TRIM27: variants seen among roughly 807,000 people sequenced by gnomAD.
TRIM27 encodes the protein tripartite motif containing 27, also known as zinc finger protein RFP.
A neutral mutation model predicts 57.6 loss-of-function variants in TRIM27; 12 were observed. That is an observed-to-expected ratio of 0.21 (90% CI 0.13 to 0.34). The LOEUF (loss-of-function observed/expected upper bound fraction) is 0.34, where lower values mean the gene tolerates loss of function less well. Among genes scored for constraint, TRIM27 ranks in the 10% least tolerant of loss-of-function variants. The pLI, the probability that TRIM27 is intolerant of heterozygous loss-of-function variation, is 1.00. For missense variants in TRIM27, 403 were observed against 656.8 expected, an observed-to-expected ratio of 0.61 and a Z score of 4.22; for synonymous variants, 266 against 259.0, an observed-to-expected ratio of 1.03 and a Z score of -0.26.
At chr6:28,918,538 G>GA (rs964720953) in intron 3 of TRIM27, among the ~76,000 whole-genome samples, 1 of 151,882 alleles carries the variant, frequency 6.6e-6, no homozygotes, top group Non-Finnish European at 1.5e-5. Context: ...AATAAAAAAA[G>GA]AAAAAAAGAA....
intron 2 of TRIM27, among the ~76,000 whole-genome samples, chr6:28,920,895 T>A (rs367785223): frequency 6.6e-6 from 1 of 152,180 alleles, no homozygotes; most frequent in Non-Finnish European, 1.5e-5. Flanking sequence ...GGGCCCTTCA[T>A]ATGTAATCCA....
chr6:28,908,644 A>C (rs1772954378), intron 6 of TRIM27, 164 bp downstream of exon 6: 1 of 606,944 alleles, frequency 1.6e-6, no homozygotes. Context: ...TAGAACAAGA[A>C]GCTGTTAATT....
intron 4 of TRIM27, among the ~76,000 whole-genome samples, chr6:28,910,136 A>C (rs1440326153): frequency 5.3e-5 from 8 of 151,520 alleles, no homozygotes. Flanking sequence ...AAAAAAAAAA[A>C]AAAAAAAACG....
rs1324173784 is a variant in TRIM27, at chr6:28,911,688, A to G, written c.770+8T>C. 2 of 1,611,172 alleles carry G rather than the reference A, an allele frequency of 1.2e-6. No homozygotes were observed. The highest frequency in any genetic ancestry group is 1.7e-6 in the Non-Finnish European group (2 of 1,179,142). ...TTGATTTAACACTAGGGAAACAGAA[A>G]ACTATACCTGCTCAATGTGTCCCCA... On this transcript the variant is annotated splice_region_variant and intron_variant, in intron 4 of 7. Coordinates refer to ENST00000377199, the MANE Select transcript of TRIM27 (RefSeq NM_006510.5).
At chr6:28,919,075 G>A (rs757017529) in intron 3 of TRIM27, among the ~76,000 whole-genome samples, 1 of 151,370 alleles carries the variant, frequency 6.6e-6, no homozygotes, top group Non-Finnish European at 1.5e-5. Flanking sequence ...GTACAGTGGC[G>A]CGATCTTGGC....
Position 28,903,549 on chromosome 6 carries a change from A to C in TRIM27, c.*521T>G. ...ACATACAGGCTTCTTTAATGGAGTT[A>C]ATAAAACTATGGCACATTGGGAATC... is the stretch of plus-strand genomic sequence containing the variant. On this transcript the variant is annotated 3_prime_UTR_variant, in exon 8 of 8. Transcript: ENST00000377199. 4.2e-6 allele frequency: 1 copy of C among 236,052 alleles called. No homozygotes were observed. Among genetic ancestry groups the C allele is most frequent in the Non-Finnish European group, 8.3e-6 (1 of 119,996 alleles). The allele number at this position is 236,052 out of a possible 1,614,324, so 14.6% of individuals were successfully genotyped here.
At chr6:28,906,284 A>G (rs1387778304) in intron 7 of TRIM27, 2 of 152,180 alleles carry the variant, frequency 1.3e-5, no homozygotes, top group Non-Finnish European at 2.9e-5. Context: ...TTTGCTCCTC[A>G]CATCTTGTTC....
Position 28,911,733 on chromosome 6 carries a change from A to G in TRIM27, c.748-15T>C, listed in dbSNP as rs1196827381. 1.2e-6 allele frequency: 2 copies of G among 1,601,298 alleles called. No individual in the cohort carries two copies. Among genetic ancestry groups the G allele is most frequent in the Non-Finnish European group, 1.7e-6 (2 of 1,173,086 alleles). On this transcript the variant is annotated splice_polypyrimidine_tract_variant and intron_variant, in intron 3 of 7. Coordinates refer to ENST00000377199, the MANE Select transcript of TRIM27 (RefSeq NM_006510.5). ...TCCCCAATGTCCTGCAAGAGAAAGG[A>G]AAAAAAATAACCATGAGAAGTCATT...
chr6:28,907,100 G>T lies in TRIM27; in HGVS notation c.946+136C>A, dbSNP rs949849933. 1.2e-5 allele frequency: 9 copies of T among 750,540 alleles called. No individual in the cohort carries two copies. In the African/African-American group the frequency reaches 1.4e-4, roughly 12 times the overall value. The allele number at this position is 750,540 out of a possible 1,614,324, so 46.5% of individuals were successfully genotyped here. A position where few individuals can be genotyped will look rare whatever the true frequency, so the allele number is the denominator to read the frequency against. On this transcript the variant is annotated intron_variant, in intron 7 of 7. Transcript: ENST00000377199. The stretch of plus-strand genomic sequence containing the variant: ...ATAGAAACAACTGAGGATTTTTGTG[G>T]TTGTTGTGTATCATCTTTATACATG...
At position 28,923,899 on chromosome 6, in the gene TRIM27, G is replaced by T; in HGVS notation, c.-267C>A. The stretch of plus-strand genomic sequence containing the variant: ...CGGCCACGCTAGTGGGGCAGGAAAG[G>T]GTAGCCGAGGGTCAGAGTCCCAGGG... On this transcript the variant is annotated 5_prime_UTR_variant, in exon 1 of 8. Coordinates refer to ENST00000377199, the MANE Select transcript of TRIM27 (RefSeq NM_006510.5). 1 of 460,454 alleles carries T rather than the reference G, an allele frequency of 2.2e-6. No homozygotes were observed. The highest frequency in any genetic ancestry group is 3.8e-6 in the Non-Finnish European group (1 of 261,740). 28.5% of individuals were successfully genotyped at this position (460,454 alleles called of 1,614,324 possible). A position where few individuals can be genotyped will look rare whatever the true frequency, so the allele number is the denominator to read the frequency against.
At chr6:28,907,925 C>G (rs910640825) in intron 6 of TRIM27, 1 of 213,108 alleles carries the variant, frequency 4.7e-6, no homozygotes, top group Admixed American at 5.3e-5. Flanking sequence ...TGAATAGATG[C>G]AATGCATATA....
chr6:28,918,240 C>G (rs934920856), intron 3 of TRIM27, among the ~76,000 whole-genome samples: 1 of 152,126 alleles, frequency 6.6e-6, no homozygotes, highest in Non-Finnish European at 1.5e-5. Context: ...TTTAACCAAC[C>G]CTTCCAGATA....
intron 4 of TRIM27, among the ~76,000 whole-genome samples, chr6:28,910,376 C>T (rs550139327): frequency 6.6e-6 from 1 of 152,110 alleles, no homozygotes; most frequent in East Asian, 1.9e-4. Flanking sequence ...GTCGCCCAGG[C>T]TAGAGTGCAG....
Position 28,921,974 on chromosome 6 carries a change from T to G in TRIM27, c.434A>C (p.Asn145Thr). 6.2e-7 allele frequency: 1 copy of G among 1,613,104 alleles called. No individual in the cohort carries two copies. Among genetic ancestry groups the G allele is most frequent in the Non-Finnish European group, 8.5e-7 (1 of 1,180,032 alleles). The change falls in exon 2 of 8, where the codon AAC becomes ACC. Residue 145 changes from asparagine (N) to threonine (T), a missense_variant. Coordinates refer to ENST00000377199, the MANE Select transcript of TRIM27 (RefSeq NM_006510.5). ...CACTCTTTTTAAATGGTCGAGCTGGTTCTGGATTTGCTCCTGAGAAAAGCA... is the reference window on the plus strand; with the variant it reads ...CACTCTTTTTAAATGGTCGAGCTGGGTCTGGATTTGCTCCTGAGAAAAGCA... ...AVEGFKEQIQNQLDHLKRVKD... is the reference protein window; with the variant it reads ...AVEGFKEQIQTQLDHLKRVKD...
chr6:28,908,142 T>G (rs1772911901), intron 6 of TRIM27: 1 of 159,500 alleles, frequency 6.3e-6, no homozygotes, highest in Admixed American at 6.4e-5. Context: ...TTGGAAAAGC[T>G]TCTCCAAATG....
chr6:28,913,269 A>AAAAAAAATATATATATATAT (rs1554184215), intron 3 of TRIM27, among the ~76,000 whole-genome samples: 6 of 135,556 alleles, frequency 4.4e-5, no homozygotes, highest in Non-Finnish European at 9.2e-5. Context: ...AAAAAAAAAA[A>AAAAAAAATATATATATATAT]ATATATATAT....
chr6:28,911,753 G>A, intron 3 of TRIM27, 35 bp from the exon 4 acceptor site: 1 of 1,608,328 alleles, frequency 6.2e-7, no homozygotes, highest in Non-Finnish European at 8.5e-7. Context: ...ACCATGAGAA[G>A]TCATTTAAAA....
intron 3 of TRIM27, chr6:28,914,945 G>C (rs1343956243): frequency 6.6e-6 from 1 of 151,662 alleles, no homozygotes. Flanking sequence ...TCTTCTAGTG[G>C]CTGCTATCTG....
At chr6:28,919,666 CAT>C (rs1773879014) in intron 3 of TRIM27, among the ~76,000 whole-genome samples, 1 of 152,142 alleles carries the variant, frequency 6.6e-6, no homozygotes, top group East Asian at 1.9e-4. Context: ...CTTTGAATGA[CAT>C]GTGGTCTAAG....
Sources: gnomAD v4.1 joint callset for allele counts (sites outside exome capture counted in the v4.1 genomes callset) on GRCh38, gnomAD v4.1.1 for gene constraint, MANE v1.5 for transcripts, NCBI Gene and HGNC (gene_info 2026-07-23, HGNC 2026-07-21) for gene names.